TIMM44: variants seen among roughly 807,000 people sequenced by gnomAD.
TIMM44 encodes mitochondrial import inner membrane translocase subunit TIM44.
A neutral mutation model predicts 63.8 loss-of-function variants in TIMM44; 37 were observed. That is an observed-to-expected ratio of 0.58 (90% CI 0.45 to 0.76). The LOEUF (loss-of-function observed/expected upper bound fraction) is 0.76, where lower values mean the gene tolerates loss of function less well. TIMM44 is among the 30% of genes least tolerant of loss of function. The pLI, the probability that TIMM44 is intolerant of heterozygous loss-of-function variation, is 0.00. For missense variants in TIMM44, 573 were observed against 603.8 expected, an observed-to-expected ratio of 0.95 and a Z score of 0.54; for synonymous variants, 239 against 245.1, an observed-to-expected ratio of 0.98 and a Z score of 0.23.
chr19:7,934,227 T>A lies in TIMM44; in HGVS notation c.405A>T (p.Glu135Asp), dbSNP rs2145176513. 1.2e-6 allele frequency: 2 copies of A among 1,612,420 alleles called. No individual in the cohort carries two copies. The highest frequency in any genetic ancestry group is 1.7e-6 in the Non-Finnish European group (2 of 1,179,962). The stretch of plus-strand genomic sequence containing the variant: ...TCCGGCCGAGATCACTTTTACTGAC[T>A]TCGTGAAGGCTCTACTGAGACAGAC... ...LTGTVKESLH[E>D]VSKSDLGRKI... The change falls in exon 5 of 13, where the codon GAA becomes GAT. Residue 135 changes from glutamate (E) to aspartate (D), a missense_variant. Physicochemically the swap from Glu to Asp is conservative, Grantham distance 45. Transcript: ENST00000270538. The surrounding 1 kb of genome is among the most constrained non-coding windows in gnomAD (Gnocchi z 5.3).
chr19:7,932,567 G>C (rs1444010540), intron 9 of TIMM44, 60 bp downstream of exon 9: 26 of 1,593,892 alleles, frequency 1.6e-5, no homozygotes, highest in Non-Finnish European at 2.1e-5. Context: ...GGCTGCGGCG[G>C]GGGAGGTGGT....
chr19:7,929,986 T>A (rs967139476), intron 10 of TIMM44, among the ~76,000 whole-genome samples: 4 of 150,858 alleles, frequency 2.7e-5, no homozygotes, highest in African/African-American at 4.9e-5. Context: ...GTAGCTGGGA[T>A]TACAGGCGCC....
rs1025383461 is a variant in TIMM44 at position 7,933,703 on chromosome 19, G to GC, written c.684-134dup. On this transcript the variant is annotated intron_variant, in intron 6 of 12. Coordinates refer to ENST00000270538, the MANE Select transcript of TIMM44 (RefSeq NM_006351.4). This position sits in a 1 kb window ranked among gnomAD's most constrained non-coding sequence, Gnocchi z 4.3. ...CAAACCTAGGGGCTCTGAGGACCCC[G>GC]CCCTCACCTCTCACCCTCAAATTCG... 3 of 1,313,612 alleles carry GC rather than the reference G, an allele frequency of 2.3e-6. No individual in the cohort carries two copies. The African/African-American group carries it at 4.4e-5, about 19-fold the overall frequency. 81.4% of individuals were successfully genotyped at this position (1,313,612 alleles called of 1,614,324 possible). A position where few individuals can be genotyped will look rare whatever the true frequency, so the allele number is the denominator to read the frequency against.
At chr19:7,928,502 C>T in intron 10 of TIMM44, 1 of 320,322 alleles carries the variant, frequency 3.1e-6, no homozygotes, top group African/African-American at 2.1e-5. Flanking sequence ...TCCATATTCG[C>T]CGCACTCTGA....
At chr19:7,937,090 A>C (rs192770692) in intron 3 of TIMM44, among the ~76,000 whole-genome samples, 536 of 151,936 alleles carry the variant, frequency 3.5e-3, no homozygotes, top group Non-Finnish European at 5.4e-3. Flanking sequence ...CAATGGAGTA[A>C]GACTCTGCTT....
intron 10 of TIMM44, 38 bp from the exon 11 acceptor site, chr19:7,928,204 C>T (rs754097077): frequency 1.5e-5 from 24 of 1,571,138 alleles, no homozygotes; most frequent in Non-Finnish European, 2.0e-5. Flanking sequence ...TGATGCCACC[C>T]AGGGTGGGCA....
At chr19:7,940,367 C>G (rs1224598138) in intron 2 of TIMM44, among the ~76,000 whole-genome samples, 1 of 152,122 alleles carries the variant, frequency 6.6e-6, no homozygotes, top group Non-Finnish European at 1.5e-5. Context: ...TAAAATCATC[C>G]AGGACCACAC....
In TIMM44 at chr19:7,927,083, A is replaced by C; in HGVS notation, c.*104T>G. The C allele has an allele frequency of 6.7e-7, 1 of 1,482,066 alleles. No homozygotes were observed. The highest frequency in any genetic ancestry group is 9.1e-7 in the Non-Finnish European group (1 of 1,099,606). The allele number at this position is 1,482,066 out of a possible 1,614,324, so 91.8% of individuals were successfully genotyped here. ...GCCGTCCTGGCAGAGCTGGGGGCAG[A>C]GCCCGCAGTCTTGTTCCCAGAGGTC... On this transcript the variant is annotated 3_prime_UTR_variant, in exon 13 of 13. Coordinates refer to ENST00000270538, the MANE Select transcript of TIMM44 (RefSeq NM_006351.4).
rs768698202 is a variant in TIMM44 at position 7,931,159 on chromosome 19, G to C, written c.1017C>G (p.Leu339=). ...EAMISGELDI[L]KDWCYEATYS... Reference sequence around the variant, plus strand: ...TCACAGCTTCATAGCACCAGTCTTTGAGAATGTCAAGCTCTCCAGAAATCA... The same window carrying C: ...TCACAGCTTCATAGCACCAGTCTTTCAGAATGTCAAGCTCTCCAGAAATCA... The change falls in exon 10 of 13, where the codon CTC becomes CTG. Residue 339 remains leucine (L), a synonymous_variant. Coordinates refer to ENST00000270538, the MANE Select transcript of TIMM44 (RefSeq NM_006351.4). 3.7e-6 allele frequency: 6 copies of C among 1,613,684 alleles called. No homozygotes were observed. The highest frequency in any genetic ancestry group is 2.5e-6 in the Non-Finnish European group (3 of 1,179,784).
At chr19:7,932,520 C>T in intron 9 of TIMM44, 107 bp downstream of exon 9, 3 of 1,510,524 alleles carry the variant, frequency 2.0e-6, no homozygotes, top group Non-Finnish European at 2.7e-6. Flanking sequence ...AGAAAACAGC[C>T]TCGGCAGCAG....
intron 9 of TIMM44, chr19:7,931,980 CG>C: frequency 6.4e-6 from 1 of 155,206 alleles, no homozygotes; most frequent in East Asian, 1.9e-4. Flanking sequence ...CGGAGGCCGG[CG>C]GGGCCAAGGA....
chr19:7,943,061 AAAAAG>A lies in TIMM44; in HGVS notation c.45+541_45+545del, dbSNP rs1984356505. On this transcript the variant is annotated intron_variant, in intron 1 of 12. Coordinates refer to ENST00000270538, the MANE Select transcript of TIMM44 (RefSeq NM_006351.4). The surrounding 1 kb of genome is among the most constrained non-coding windows in gnomAD (Gnocchi z 4.3). ...GTCTCAAAAAAAAAAAAAAAAGAGA[AAAAAG>A]AAAAAACGAAGAGCACGAGCAATAT... is the stretch of plus-strand genomic sequence containing the variant. Among the ~76,000 whole-genome samples, 1 of 151,414 alleles carries A rather than the reference AAAAAG, an allele frequency of 6.6e-6. No homozygotes were observed. The highest frequency in any genetic ancestry group is 2.1e-4 in the South Asian group (1 of 4,800).
intron 4 of TIMM44, 54 bp downstream of exon 4, chr19:7,935,011 C>G: frequency 6.5e-7 from 1 of 1,527,212 alleles, no homozygotes; most frequent in African/African-American, 1.4e-5. Flanking sequence ...CAGCCTCCAG[C>G]GGCCAGGGGA....
At chr19:7,939,031 A>G (rs1984230757) in intron 2 of TIMM44, among the ~76,000 whole-genome samples, 1 of 2,168 alleles carries the variant, frequency 4.6e-4, no homozygotes, top group Non-Finnish European at 7.6e-4. Flanking sequence ...AGAGGGTGAG[A>G]TGAGTAGGGG....
chr19:7,941,343 A>T, intron 1 of TIMM44, 146 bp from the exon 2 acceptor site: 1 of 680,784 alleles, frequency 1.5e-6, no homozygotes, highest in South Asian at 1.6e-5. Flanking sequence ...GCTAGAGTGC[A>T]GTGCTGCGAT....
Position 7,933,953 on chromosome 19 carries a change from G to GGTCTGTCCCA in TIMM44, c.584_593dup (p.Pro200ThrfsTer21). On this transcript the variant is annotated frameshift_variant, in exon 6 of 13. Coordinates refer to ENST00000270538, the MANE Select transcript of TIMM44 (RefSeq NM_006351.4). LOFTEE classifies it high-confidence loss of function. This position sits in a 1 kb window ranked among gnomAD's most constrained non-coding sequence, Gnocchi z 4.3. ...GTCGCTGGGGCCTCCGGTAGGGCCCGGTCTGTCCCAGGACGCTGTCGTCAA... is the reference window on the plus strand; with the variant it reads ...GTCGCTGGGGCCTCCGGTAGGGCCCGGTCTGTCCCAGTCTGTCCCAGGACGCTGTCGTCAA... 1 of 1,614,092 alleles carries GGTCTGTCCCA rather than the reference G, an allele frequency of 6.2e-7. No homozygotes were observed. The highest frequency in any genetic ancestry group is 8.5e-7 in the Non-Finnish European group (1 of 1,180,018).
In TIMM44 at chr19:7,927,273, G is replaced by A; in HGVS notation, c.1273C>T (p.Leu425Phe). The A allele has an allele frequency of 6.2e-7, 1 of 1,611,972 alleles. No individual in the cohort carries two copies. The highest frequency in any genetic ancestry group is 8.5e-7 in the Non-Finnish European group (1 of 1,179,948). ...TTGAGCTCGTCCTGGTCTCGGCAGA[G>A]CGCCCACACGTACAGCATCCGCAGC... ...KVLRMLYVWA[L>F]CRDQDELNPY... The change falls in exon 13 of 13, where the codon CTC (leucine) becomes TTC (phenylalanine). Residue 425 changes from leucine (L) to phenylalanine (F), a missense_variant. Coordinates refer to ENST00000270538, the MANE Select transcript of TIMM44 (RefSeq NM_006351.4).
rs747676701 is a variant in TIMM44, at chr19:7,935,155, G to A, written c.313-10C>T. ...CTGACTCGATGGTTTTCTAGGTAAA[G>A]AGCGCTGTGTCCTTTTTTTTTTTTT... On this transcript the variant is annotated splice_polypyrimidine_tract_variant and intron_variant, in intron 3 of 12. Transcript: ENST00000270538. The A allele has an allele frequency of 8.4e-6, 13 of 1,549,590 alleles. No homozygotes were observed. The highest frequency in any genetic ancestry group is 1.1e-5 in the Non-Finnish European group (12 of 1,127,614).
intron 10 of TIMM44, chr19:7,928,413 G>A: frequency 1.9e-6 from 1 of 532,178 alleles, no homozygotes; most frequent in Non-Finnish European, 3.4e-6. Flanking sequence ...AATCAGCAAA[G>A]TGGGTGATTC....
Sources: gnomAD v4.1 joint callset for allele counts (sites outside exome capture counted in the v4.1 genomes callset) on GRCh38, gnomAD v4.1.1 for gene constraint, Gnocchi (gnomAD v3.1) non-coding constraint, MANE v1.5 for transcripts, NCBI Gene and HGNC (gene_info 2026-07-23, HGNC 2026-07-21) for gene names.